SCARB1: variants seen among roughly 807,000 people sequenced by gnomAD.
SCARB1 encodes scavenger receptor class B member 1, also known as CD36 and LIMPII analogous 1.
In SCARB1, 30 loss-of-function variants were observed where a neutral mutation model predicts 57.2. The observed-to-expected ratio is 0.52, with a 90% confidence interval of 0.39 to 0.71. The LOEUF is 0.71. Among genes scored for constraint, SCARB1 ranks in the 30% least tolerant of loss-of-function variants. The pLI is 0.00. For synonymous variants in SCARB1, 249 were observed against 268.3 expected (o/e 0.93, Z 0.70); for missense variants, 543 against 671.2 (o/e 0.81, Z 2.11).
chr12:124,838,332 G>A (rs760923714), intron 1 of SCARB1, among the ~76,000 whole-genome samples: 1 of 152,130 alleles, frequency 6.6e-6, no homozygotes, highest in African/African-American at 2.4e-5. Context: ...ACATGGAGAC[G>A]TGACTGCCTC....
chr12:124,836,341 C>T (rs902223098), intron 1 of SCARB1, among the ~76,000 whole-genome samples: 1 of 152,164 alleles, frequency 6.6e-6, no homozygotes. Flanking sequence ...AGGCAGAGCA[C>T]GATGTTCTGA....
chr12:124,838,511 C>A lies in SCARB1; in HGVS notation c.127-20804G>T, dbSNP rs77693072. On this transcript the variant is annotated intron_variant, in intron 1 of 12. Transcript: ENST00000261693. ...AACACGTCATGAAGCCAGCCAAGGT[C>A]TTGTAAAATAGGGCAACGGTGGTTT... Among the ~76,000 whole-genome samples, 3 of 152,226 alleles carry A rather than the reference C, an allele frequency of 2.0e-5. No individual in the cohort carries two copies. The East Asian group carries it at 5.8e-4, about 29-fold the overall frequency.
intron 7 of SCARB1, among the ~76,000 whole-genome samples, chr12:124,803,428 G>A (rs570656531): frequency 4.6e-5 from 7 of 152,040 alleles, no homozygotes; most frequent in Non-Finnish European, 8.8e-5. Context: ...AGAATTAGCT[G>A]GGCATGGTAG....
chr12:124,835,822 T>TA (rs1951626251), intron 1 of SCARB1, among the ~76,000 whole-genome samples: 1 of 152,186 alleles, frequency 6.6e-6, no homozygotes, highest in Non-Finnish European at 1.5e-5. Context: ...GGAACCTGGG[T>TA]GATGTCCAGC....
At position 124,789,523 on chromosome 12, in the gene SCARB1, T is replaced by C. The variant is rs1332220001; in HGVS notation, c.1203-2066A>G. On this transcript the variant is annotated intron_variant, in intron 9 of 12. Coordinates refer to ENST00000261693, the MANE Select transcript of SCARB1 (RefSeq NM_005505.5). This position sits in a 1 kb window ranked among gnomAD's most constrained non-coding sequence, Gnocchi z 4.4. ...GGGAGAGCGTCCTGGAATATCTAGG[T>C]GGGTCCATGCAGATATGGTTACATC... Among the ~76,000 whole-genome samples, 1 of 152,006 alleles carries C rather than the reference T, an allele frequency of 6.6e-6. No homozygotes were observed. The highest frequency in any genetic ancestry group is 2.4e-5 in the African/African-American group (1 of 41,350).
At chr12:124,783,695 A>G (rs858156) in intron 11 of SCARB1, 95,269 of 151,992 alleles carry the variant, frequency 0.63, 30,428 homozygotes, top group South Asian at 0.75. Context: ...TGAGGCTCCC[A>G]CTTGAACCCG....
rs759392057 is a variant in SCARB1, at chr12:124,807,742, C to A, written c.1009+19G>T. 1 of 1,613,674 alleles carries A rather than the reference C, an allele frequency of 6.2e-7. No homozygotes were observed. Among genetic ancestry groups the A allele is most frequent in the South Asian group, 1.1e-5 (1 of 91,064 alleles). On this transcript the variant is annotated intron_variant, in intron 7 of 12. Transcript: ENST00000261693. This position sits in a 1 kb window ranked among gnomAD's most constrained non-coding sequence, Gnocchi z 5.3. ...CCCTCACACCCTCCCGCCATCCCAG[C>A]ACAGGGGACGGCACGTACTGAACCT...
chr12:124,824,819 C>T (rs1951073649), intron 1 of SCARB1, among the ~76,000 whole-genome samples: 1 of 152,250 alleles, frequency 6.6e-6, no homozygotes, highest in Non-Finnish European at 1.5e-5. Flanking sequence ...GACCTGCACA[C>T]CCACCAGAAG....
At chr12:124,858,437 G>T (rs1036698557) in intron 1 of SCARB1, among the ~76,000 whole-genome samples, 3 of 152,192 alleles carry the variant, frequency 2.0e-5, no homozygotes, top group African/African-American at 7.2e-5. Flanking sequence ...GAAGGGAAAA[G>T]AAATGAGTTG....
chr12:124,839,729 C>G (rs1951840573), intron 1 of SCARB1: 1 of 77,814 alleles, frequency 1.3e-5, no homozygotes, highest in Non-Finnish European at 2.6e-5. Flanking sequence ...ACCCTCACCC[C>G]AACGGCACAC....
Position 124,778,515 on chromosome 12 carries a change from C to T in SCARB1, c.*72G>A, listed in dbSNP as rs3825140. The T allele has an allele frequency of 0.017, 21,351 of 1,230,548 alleles. 3,453 individuals are homozygous for T. In the East Asian group the frequency reaches 0.45, roughly 26 times the overall value. The allele number at this position is 1,230,548 out of a possible 1,614,324, so 76.2% of individuals were successfully genotyped here. A position where few individuals can be genotyped will look rare whatever the true frequency, so the allele number is the denominator to read the frequency against. On this transcript the variant is annotated 3_prime_UTR_variant, in exon 13 of 13. Coordinates refer to ENST00000261693, the MANE Select transcript of SCARB1 (RefSeq NM_005505.5). The stretch of plus-strand genomic sequence containing the variant: ...GTCCGCTGGGAGAGTCCGGGAGAAG[C>T]GGGGTGTAGGGGCTGGGGGGCCGGT...
Position 124,812,005 on chromosome 12 carries a change from C to T in SCARB1, c.631-40G>A, listed in dbSNP as rs1441236515. 1 of 1,511,596 alleles carries T rather than the reference C, an allele frequency of 6.6e-7. No homozygotes were observed. Among genetic ancestry groups the T allele is most frequent in the South Asian group, 1.2e-5 (1 of 85,638 alleles). 93.6% of individuals were successfully genotyped at this position (1,511,596 alleles called of 1,614,324 possible). A position where few individuals can be genotyped will look rare whatever the true frequency, so the allele number is the denominator to read the frequency against. ...GGGAACAGCATCGTAAGGCTTAGGCCTGCCATTGAGCCGGCCTGGTCTGAA... is the reference window on the plus strand; with the variant it reads ...GGGAACAGCATCGTAAGGCTTAGGCTTGCCATTGAGCCGGCCTGGTCTGAA... On this transcript the variant is annotated intron_variant, in intron 4 of 12. Transcript: ENST00000261693. This position sits in a 1 kb window ranked among gnomAD's most constrained non-coding sequence, Gnocchi z 4.3.
chr12:124,799,989 G>T, intron 8 of SCARB1, 135 bp downstream of exon 8: 1 of 735,766 alleles, frequency 1.4e-6, no homozygotes. Flanking sequence ...AGGAACTTTG[G>T]TGGCTCGAGA....
At chr12:124,804,859 G>A (rs951815261) in intron 7 of SCARB1, among the ~76,000 whole-genome samples, 6 of 152,180 alleles carry the variant, frequency 3.9e-5, no homozygotes, top group African/African-American at 1.4e-4. Flanking sequence ...ATAGAGGGCC[G>A]CTTCCGGTCC....
chr12:124,863,729 G>A lies in SCARB1; in HGVS notation c.-9C>T. On this transcript the variant is annotated 5_prime_UTR_variant, in exon 1 of 13. Transcript: ENST00000261693. ...TTGGCGGAGCAGCCCATGTCTGCGC[G>A]CCTGGGGCCCACCCGCGGCTCGCAG... 6.8e-7 allele frequency: 1 copy of A among 1,467,280 alleles called. No homozygotes were observed. Among genetic ancestry groups the A allele is most frequent in the Non-Finnish European group, 9.0e-7 (1 of 1,107,730 alleles). The allele number at this position is 1,467,280 out of a possible 1,614,324, so 90.9% of individuals were successfully genotyped here.
In SCARB1 at chr12:124,849,526, C is replaced by G. The variant is rs148780109; in HGVS notation, c.126+14069G>C. Among the ~76,000 whole-genome samples, 33 of 152,328 alleles carry G rather than the reference C, an allele frequency of 2.2e-4. No individual in the cohort carries two copies. In the East Asian group the frequency reaches 3.3e-3, roughly 15 times the overall value. On this transcript the variant is annotated intron_variant, in intron 1 of 12. Transcript: ENST00000261693. ...CTGCCTGAAGAACATTCGTTAGTGA[C>G]TTCCTCCGGCACCCACCCAGGCCCC... is the stretch of plus-strand genomic sequence containing the variant.
chr12:124,818,364 C>G (rs1009792969), intron 1 of SCARB1, among the ~76,000 whole-genome samples: 3 of 152,206 alleles, frequency 2.0e-5, no homozygotes, highest in Non-Finnish European at 2.9e-5. Context: ...GCCTGTAATC[C>G]CAGAACTTTG....
At chr12:124,802,663 C>A (rs912522108) in intron 7 of SCARB1, among the ~76,000 whole-genome samples, 1 of 152,186 alleles carries the variant, frequency 6.6e-6, no homozygotes, top group Admixed American at 6.5e-5. Context: ...TTACCAAGCA[C>A]GCCGAGAGAG....
intron 1 of SCARB1, among the ~76,000 whole-genome samples, chr12:124,819,316 C>A (rs1355587102): frequency 6.6e-6 from 1 of 152,142 alleles, no homozygotes; most frequent in East Asian, 1.9e-4. Context: ...GAGAGAGCCT[C>A]CCTGTGTGGC....
Sources: allele counts gnomAD v4.1 joint callset (sites outside exome capture counted in the v4.1 genomes callset), GRCh38; gene constraint gnomAD v4.1.1; non-coding constraint Gnocchi (gnomAD v3.1); transcripts MANE v1.5; gene names NCBI Gene and HGNC (gene_info 2026-07-23, HGNC 2026-07-21).